The following NTNG2 variants were observed in gnomAD, a reference collection of about 807,000 sequenced individuals.
NTNG2 encodes netrin G2.
A neutral mutation model predicts 47.6 loss-of-function variants in NTNG2; 15 were observed. The ratio of observed to expected loss-of-function variants is 0.32; its 90% confidence interval spans 0.21 to 0.49. The LOEUF (loss-of-function observed/expected upper bound fraction) is 0.49, where lower values mean the gene tolerates loss of function less well. NTNG2 is among the 20% of genes least tolerant of loss of function. The pLI, the probability that NTNG2 is intolerant of heterozygous loss-of-function variation, is 0.99. For synonymous variants in NTNG2, 307 were observed against 324.6 expected (o/e 0.95, Z 0.58); for missense variants, 578 against 764.6 (o/e 0.76, Z 2.88).
At chr9:132,184,472 G>A (rs542004100) in intron 2 of NTNG2, among the ~76,000 whole-genome samples, 5 of 152,220 alleles carry the variant, frequency 3.3e-5, no homozygotes, top group Non-Finnish European at 5.9e-5. Flanking sequence ...CCTTGGGACT[G>A]GGGGGCAGTG....
intron 3 of NTNG2, among the ~76,000 whole-genome samples, chr9:132,202,227 G>A (rs1328853601): frequency 6.6e-6 from 1 of 152,214 alleles, no homozygotes; most frequent in Non-Finnish European, 1.5e-5. Flanking sequence ...CTCCAAGGGG[G>A]ACCCCAATGG....
intron 5 of NTNG2, among the ~76,000 whole-genome samples, chr9:132,237,779 G>A (rs1454270326): frequency 6.6e-6 from 1 of 152,232 alleles, no homozygotes; most frequent in African/African-American, 2.4e-5. Context: ...GCCAGAAATA[G>A]CCCATCCCGG....
At chr9:132,209,799 G>A (rs1463977063) in intron 3 of NTNG2, among the ~76,000 whole-genome samples, 1 of 151,946 alleles carries the variant, frequency 6.6e-6, no homozygotes, top group Non-Finnish European at 1.5e-5. Flanking sequence ...CAGAGAGATG[G>A]GGTGTGAGCT....
intron 5 of NTNG2, among the ~76,000 whole-genome samples, chr9:132,235,220 GGACA>G (rs1841530634): frequency 6.6e-6 from 1 of 152,192 alleles, no homozygotes. Context: ...GGACACTTCT[GGACA>G]CATGTAAGAT....
chr9:132,165,207 G>A (rs1314520676), intron 1 of NTNG2, among the ~76,000 whole-genome samples: 2 of 152,048 alleles, frequency 1.3e-5, no homozygotes, highest in African/African-American at 4.8e-5. Flanking sequence ...TGGATTCTCC[G>A]GGTGACGTAT....
intron 6 of NTNG2, chr9:132,240,648 C>T: frequency 3.5e-6 from 2 of 573,218 alleles, no homozygotes; most frequent in South Asian, 2.0e-5. Flanking sequence ...GGGGCTGACC[C>T]AGGCCACACC....
chr9:132,235,008 C>A (rs937048618), intron 5 of NTNG2, among the ~76,000 whole-genome samples: 13 of 152,234 alleles, frequency 8.5e-5, no homozygotes, highest in Non-Finnish European at 1.2e-4. Context: ...TCTTTGCCAG[C>A]CCTGCCTGCC....
At chr9:132,191,640 C>T (rs1417807688) in intron 2 of NTNG2, among the ~76,000 whole-genome samples, 2 of 151,974 alleles carry the variant, frequency 1.3e-5, no homozygotes, top group South Asian at 2.1e-4. Context: ...GGCGCGATCT[C>T]GGCTCACTGC....
rs954754895 is a variant in NTNG2, at chr9:132,231,094, C to T, written c.1054+499C>T. Among the ~76,000 whole-genome samples, 1 of 152,170 alleles carries T rather than the reference C, an allele frequency of 6.6e-6. No individual in the cohort carries two copies. Among genetic ancestry groups the T allele is most frequent in the African/African-American group, 2.4e-5 (1 of 41,446 alleles). The stretch of plus-strand genomic sequence containing the variant: ...CCTCCCTCTGGGCAGCCTCTGCAGC[C>T]AGCTTGTCCCAGGGCTCTGCTCGTC... On this transcript the variant is annotated intron_variant, in intron 5 of 7. Transcript: ENST00000393229. This position sits in a 1 kb window ranked among gnomAD's most constrained non-coding sequence, Gnocchi z 4.1.
chr9:132,171,754 G>T (rs1564381774), intron 2 of NTNG2, among the ~76,000 whole-genome samples: 1 of 152,194 alleles, frequency 6.6e-6, no homozygotes, highest in Admixed American at 6.5e-5. Flanking sequence ...CAGAATCAAG[G>T]TCACAGACAC....
intron 5 of NTNG2, 87 bp downstream of exon 5, chr9:132,230,682 G>T: frequency 7.1e-7 from 1 of 1,400,582 alleles, no homozygotes; most frequent in East Asian, 2.4e-5. Flanking sequence ...AGAAAAAAGG[G>T]GCTTCAGTGT....
chr9:132,178,887 C>T (rs993978749), intron 2 of NTNG2, among the ~76,000 whole-genome samples: 7 of 141,334 alleles, frequency 5.0e-5, no homozygotes, highest in Non-Finnish European at 7.6e-5. Context: ...ACCTGGGAGG[C>T]GGAGGCAGAG....
At chr9:132,203,885 G>A (rs1185658274) in intron 3 of NTNG2, among the ~76,000 whole-genome samples, 8 of 152,202 alleles carry the variant, frequency 5.3e-5, no homozygotes, top group East Asian at 3.8e-4. Flanking sequence ...GCAGCCCAGC[G>A]GGTCCTTTGC....
chr9:132,186,657 A>G (rs574252184), intron 2 of NTNG2, among the ~76,000 whole-genome samples: 1 of 152,160 alleles, frequency 6.6e-6, no homozygotes, highest in African/African-American at 2.4e-5. Flanking sequence ...CTCCGAAAGG[A>G]TCTCAGGGTG....
In NTNG2 at chr9:132,242,182, C is replaced by G. The variant is rs906071053; in HGVS notation, c.*71C>G. The G allele has an allele frequency of 6.7e-6, 5 of 744,844 alleles. No individual in the cohort carries two copies. Among genetic ancestry groups the G allele is most frequent in the Middle Eastern group, 1.2e-3 (2 of 1,610 alleles). The allele number at this position is 744,844 out of a possible 1,614,324, so 46.1% of individuals were successfully genotyped here. Reference sequence around the variant, plus strand: ...GGGGTCCCGGGGCGGGGCCGGCGTCCGAGGCCGGGCGGTGAGAAGGGTGCG... The same window carrying G: ...GGGGTCCCGGGGCGGGGCCGGCGTCGGAGGCCGGGCGGTGAGAAGGGTGCG... On this transcript the variant is annotated 3_prime_UTR_variant, in exon 8 of 8. Coordinates refer to ENST00000393229, the MANE Select transcript of NTNG2 (RefSeq NM_032536.4). The surrounding 1 kb of genome is among the most constrained non-coding windows in gnomAD (Gnocchi z 5.9).
chr9:132,180,903 G>A lies in NTNG2; in HGVS notation c.213+13859G>A, dbSNP rs1564391296. Among the ~76,000 whole-genome samples, 1 of 151,798 alleles carries A rather than the reference G, an allele frequency of 6.6e-6. No homozygotes were observed. Among genetic ancestry groups the A allele is most frequent in the Non-Finnish European group, 1.5e-5 (1 of 67,942 alleles). ...GTGCAAACACTGGGCTCATGCACAG[G>A]CACACACACACACATATAAGGTTGC... On this transcript the variant is annotated intron_variant, in intron 2 of 7. Coordinates refer to ENST00000393229, the MANE Select transcript of NTNG2 (RefSeq NM_032536.4). The surrounding 1 kb of genome is among the most constrained non-coding windows in gnomAD (Gnocchi z 4.2).
At chr9:132,220,737 C>G (rs540177565) in intron 3 of NTNG2, among the ~76,000 whole-genome samples, 13 of 152,128 alleles carry the variant, frequency 8.5e-5, no homozygotes. Flanking sequence ...CGTGAGCCAC[C>G]GCACCTGGCT....
Position 132,231,156 on chromosome 9 carries a change from A to G in NTNG2, c.1054+561A>G, listed in dbSNP as rs978429523. On this transcript the variant is annotated intron_variant, in intron 5 of 7. Coordinates refer to ENST00000393229, the MANE Select transcript of NTNG2 (RefSeq NM_032536.4). This position sits in a 1 kb window ranked among gnomAD's most constrained non-coding sequence, Gnocchi z 4.1. ...AGGTCCCAGGGGAGTCGGACCAGGG[A>G]GGGGCATCTGCAGGAGGTGGGGGTC... The G allele has an allele frequency of 7.9e-6, 3 of 380,486 alleles. No homozygotes were observed. The highest frequency in any genetic ancestry group is 1.9e-5 in the South Asian group (1 of 52,652). The allele number at this position is 380,486 out of a possible 1,614,324, so 23.6% of individuals were successfully genotyped here. A position where few individuals can be genotyped will look rare whatever the true frequency, so the allele number is the denominator to read the frequency against.
intron 3 of NTNG2, among the ~76,000 whole-genome samples, chr9:132,216,428 ATGTGTGTGTGTGTGTGTG>A (rs10578395): frequency 1.1e-5 from 1 of 87,650 alleles, no homozygotes; most frequent in Non-Finnish European, 2.2e-5. Context: ...GTGTGTGTGT[ATGTGTGTGTGTGTGTGTG>A]TGTGTGTGTG....
Sources: gnomAD v4.1 joint callset for allele counts (sites outside exome capture counted in the v4.1 genomes callset) on GRCh38, gnomAD v4.1.1 for gene constraint, Gnocchi (gnomAD v3.1) non-coding constraint, MANE v1.5 for transcripts, NCBI Gene and HGNC (gene_info 2026-07-23, HGNC 2026-07-21) for gene names.